The following PNPLA6 variants were observed in gnomAD, a reference collection of about 807,000 sequenced individuals.
PNPLA6 encodes the protein patatin-like phospholipase domain-containing protein 6.
Under a neutral mutation model 153.7 loss-of-function variants are expected in PNPLA6, and 105 were observed. The observed-to-expected ratio is 0.68, with a 90% confidence interval of 0.58 to 0.80. The LOEUF (loss-of-function observed/expected upper bound fraction) is 0.80, where lower values mean the gene tolerates loss of function less well. Among genes scored for constraint, PNPLA6 ranks in the 30% least tolerant of loss-of-function variants. The pLI is 0.00. For missense variants in PNPLA6, 1,423 were observed against 1,919.3 expected, an observed-to-expected ratio of 0.74 and a Z score of 4.83; for synonymous variants, 825 against 822.2, an observed-to-expected ratio of 1.00 and a Z score of -0.06.
intron 16 of PNPLA6, 160 bp from the exon 17 acceptor site, chr19:7,550,834 T>TC: frequency 1.1e-6 from 1 of 905,572 alleles, no homozygotes; most frequent in East Asian, 2.6e-5. Flanking sequence ...CCCTGTCCTC[T>TC]CCCTCTCCCC....
Position 7,555,439 on chromosome 19 carries a change from G to A in PNPLA6, c.2936+72G>A. The A allele has an allele frequency of 1.5e-6, 2 of 1,343,824 alleles. No homozygotes were observed. The highest frequency in any genetic ancestry group is 2.5e-5 in the East Asian group (1 of 40,042). 83.2% of individuals were successfully genotyped at this position (1,343,824 alleles called of 1,614,324 possible). On this transcript the variant is annotated intron_variant, in intron 23 of 31. Transcript: ENST00000600737. The surrounding 1 kb of genome is among the most constrained non-coding windows in gnomAD (Gnocchi z 6.3). The stretch of plus-strand genomic sequence containing the variant: ...GGTGGAGCTTCCTGGGAGAAACCGT[G>A]GGGGCGGGGCCTGGGTGTTCGAGGG...
chr19:7,538,686 C>T (rs774224915), intron 3 of PNPLA6, among the ~76,000 whole-genome samples: 1 of 152,126 alleles, frequency 6.6e-6, no homozygotes, highest in Admixed American at 6.5e-5. Context: ...ACTTCAGGGA[C>T]CTCTGTGGCT....
In PNPLA6 at chr19:7,550,797, A is replaced by G. The variant is rs201846798; in HGVS notation, c.2070+157A>G. On this transcript the variant is annotated intron_variant, in intron 16 of 31. Transcript: ENST00000600737. Reference sequence around the variant, plus strand: ...CCCCGCCCAGACCTCATTTCGTTGGAAAAAGGGGATTCCGCCTGTCGTGGA... The same window carrying G: ...CCCCGCCCAGACCTCATTTCGTTGGGAAAAGGGGATTCCGCCTGTCGTGGA... 9.3e-5 allele frequency: 22 copies of G among 237,334 alleles called. No individual in the cohort carries two copies. In the South Asian group the frequency reaches 1.4e-3, roughly 15 times the overall value. The allele number at this position is 237,334 out of a possible 1,614,324, so 14.7% of individuals were successfully genotyped here. A position where few individuals can be genotyped will look rare whatever the true frequency, so the allele number is the denominator to read the frequency against.
At position 7,553,948 on chromosome 19, in the gene PNPLA6, G is replaced by T; in HGVS notation, c.2334G>T (p.Leu778=). The T allele has an allele frequency of 1.2e-6, 2 of 1,614,176 alleles. No homozygotes were observed. The highest frequency in any genetic ancestry group is 8.5e-7 in the Non-Finnish European group (1 of 1,180,036). Residue 778 remains leucine, a synonymous_variant, in exon 19 of 32, where the codon CTG becomes CTT. Transcript: ENST00000600737. ...PASNLATVAI[L]PVCAEVPMVA... Reference sequence around the variant, plus strand: ...GCAACCTGGCAACTGTGGCAATCCTGCCTGTGTGTGCTGAGGTCCCCATGG... The same window carrying T: ...GCAACCTGGCAACTGTGGCAATCCTTCCTGTGTGTGCTGAGGTCCCCATGG...
At position 7,540,396 on chromosome 19, in the gene PNPLA6, G is replaced by A; in HGVS notation, c.714+88G>A. On this transcript the variant is annotated intron_variant, in intron 5 of 31. Coordinates refer to ENST00000600737, the MANE Select transcript of PNPLA6 (RefSeq NM_001166114.2). This position sits in a 1 kb window ranked among gnomAD's most constrained non-coding sequence, Gnocchi z 6.8. Reference sequence around the variant, plus strand: ...TGGTCTGTAGAGCTGGTGGTCTTTGGAGATGCGTCATCGGGAGTCAGGGGA... The same window carrying A: ...TGGTCTGTAGAGCTGGTGGTCTTTGAAGATGCGTCATCGGGAGTCAGGGGA... 1.4e-6 allele frequency: 2 copies of A among 1,427,938 alleles called. No individual in the cohort carries two copies. The highest frequency in any genetic ancestry group is 1.9e-6 in the Non-Finnish European group (2 of 1,051,136). The allele number at this position is 1,427,938 out of a possible 1,614,324, so 88.5% of individuals were successfully genotyped here.
At chr19:7,544,878 G>GAA (rs1190910800) in intron 13 of PNPLA6, among the ~76,000 whole-genome samples, 8 of 152,162 alleles carry the variant, frequency 5.3e-5, no homozygotes, top group African/African-American at 1.9e-4. Flanking sequence ...TTCTTTGGGG[G>GAA]CCCCTGGGCC....
intron 13 of PNPLA6, among the ~76,000 whole-genome samples, chr19:7,543,433 C>T: frequency 6.6e-6 from 1 of 152,248 alleles, no homozygotes; most frequent in South Asian, 2.1e-4. Context: ...CTCATGCTGA[C>T]CGCTGCCAGG....
In PNPLA6 at chr19:7,540,935, C is replaced by T. The variant is rs1382702507; in HGVS notation, c.808C>T (p.Pro270Ser). 1.2e-6 allele frequency: 2 copies of T among 1,612,940 alleles called. No individual in the cohort carries two copies. Among genetic ancestry groups the T allele is most frequent in the Admixed American group, 1.7e-5 (1 of 60,004 alleles). ...TCCCCTCCCCCAGGGTCACCAGCAT[C>T]CCCAGCGGACCGTGTCTGCCCGGGC... The part of the protein sequence containing the change: ...ILDVITGHQH[P>S]QRTVSARAAR... Residue 270 changes from proline (P) to serine (S), a missense_variant, in exon 7 of 32, where the codon CCC becomes TCC. Physicochemically the swap from Pro to Ser is moderately conservative, Grantham distance 74 (BLOSUM62 -1). Transcript: ENST00000600737. This position sits in a 1 kb window ranked among gnomAD's most constrained non-coding sequence, Gnocchi z 6.8.
In PNPLA6 at chr19:7,542,990, C is replaced by G; in HGVS notation, c.1531-17C>G. ...GGAGGCCTGGCTGCGCCCATCTCAA[C>G]CCCCCTACCTCCCCAGGACCCCTCC... On this transcript the variant is annotated splice_polypyrimidine_tract_variant and intron_variant, in intron 12 of 31. Transcript: ENST00000600737. 1.2e-6 allele frequency: 2 copies of G among 1,613,640 alleles called. No individual in the cohort carries two copies. Among genetic ancestry groups the G allele is most frequent in the Non-Finnish European group, 1.7e-6 (2 of 1,179,690 alleles).
intron 26 of PNPLA6, chr19:7,556,929 C>T (rs368579776): frequency 8.8e-6 from 6 of 684,508 alleles, no homozygotes; most frequent in African/African-American, 7.0e-5. Flanking sequence ...CAGGGAGACT[C>T]GTCGGACGCC....
At position 7,541,045 on chromosome 19, in the gene PNPLA6, C is replaced by T. The variant is rs1490428723; in HGVS notation, c.918C>T (p.Val306=). 6.2e-7 allele frequency: 1 copy of T among 1,608,836 alleles called. No homozygotes were observed. Residue 306 remains valine, a synonymous_variant, in exon 7 of 32, where the codon GTC becomes GTT. Transcript: ENST00000600737. This position sits in a 1 kb window ranked among gnomAD's most constrained non-coding sequence, Gnocchi z 5.2. The part of the protein sequence containing the change: ...FTKYPESLVR[V]VQIIMVRLQR... ...AGTACCCGGAGAGCTTGGTGCGGGT[C>T]GTGCAGGTCAGTGGGCCTTCGCCTC...
chr19:7,538,397 A>T (rs573505), intron 3 of PNPLA6, among the ~76,000 whole-genome samples: 4,582 of 152,058 alleles, frequency 0.03, 86 homozygotes, highest in Middle Eastern at 0.058. Context: ...TGCCTGGGCT[A>T]GTCTTGAACT....
intron 16 of PNPLA6, 109 bp from the exon 17 acceptor site, chr19:7,550,885 C>T: frequency 4.3e-6 from 4 of 938,578 alleles, no homozygotes; most frequent in Non-Finnish European, 4.9e-6. Context: ...CTTCCCTACA[C>T]CCCCATTGCA....
At chr19:7,546,215 G>T (rs1257253765) in intron 13 of PNPLA6, among the ~76,000 whole-genome samples, 2 of 152,060 alleles carry the variant, frequency 1.3e-5, no homozygotes, top group Non-Finnish European at 2.9e-5. Flanking sequence ...GAAGAAATAG[G>T]TTGATCTCTA....
In PNPLA6 at chr19:7,555,137, T is replaced by G; in HGVS notation, c.2817+62T>G. 1.3e-6 allele frequency: 2 copies of G among 1,557,158 alleles called. No homozygotes were observed. The highest frequency in any genetic ancestry group is 2.3e-5 in the South Asian group (2 of 86,964). On this transcript the variant is annotated intron_variant, in intron 22 of 31. Coordinates refer to ENST00000600737, the MANE Select transcript of PNPLA6 (RefSeq NM_001166114.2). This position sits in a 1 kb window ranked among gnomAD's most constrained non-coding sequence, Gnocchi z 6.3. ...GGCTGGTGGGCGAGGCTTGGGAGAC[T>G]GGGGCGGGGCCTGGGAGGGCTGAGG...
chr19:7,549,281 G>C (rs779186416), intron 13 of PNPLA6, among the ~76,000 whole-genome samples: 30 of 147,958 alleles, frequency 2.0e-4, no homozygotes, highest in Non-Finnish European at 4.2e-4. Flanking sequence ...CCGCCTCCCG[G>C]TTTCACGCCA....
Position 7,560,749 on chromosome 19 carries a change from G to A in PNPLA6, c.3801G>A (p.Glu1267=). The A allele has an allele frequency of 6.2e-7, 1 of 1,608,048 alleles. No homozygotes were observed. The highest frequency in any genetic ancestry group is 1.3e-5 in the African/African-American group (1 of 74,882). The change falls in exon 29 of 32, where the codon GAG becomes GAA. Residue 1267 remains glutamate (E), a synonymous_variant. Transcript: ENST00000600737. ...ACCGGCGGTCTACAGACCTTAATGA[G>A]AGCCGCCGTGCAGACGTAAGCCTGT... is the stretch of plus-strand genomic sequence containing the variant. ...LTDRRSTDLN[E]SRRADVLAFP...
At chr19:7,554,040 G>A (rs1429685620) in intron 19 of PNPLA6, 25 bp downstream of exon 19, 1 of 1,611,064 alleles carries the variant, frequency 6.2e-7, no homozygotes, top group South Asian at 1.1e-5. Context: ...GGTCATGGGT[G>A]GGGGCTGGCG....
chr19:7,536,374 G>T, intron 2 of PNPLA6, 75 bp from the exon 3 acceptor site: 4 of 1,389,564 alleles, frequency 2.9e-6, no homozygotes, highest in Non-Finnish European at 4.1e-6. Context: ...CCTTGATGGA[G>T]ACCCCCTGGA....
Sources: gnomAD v4.1 joint callset for allele counts (sites outside exome capture counted in the v4.1 genomes callset) on GRCh38, gnomAD v4.1.1 for gene constraint, Gnocchi (gnomAD v3.1) non-coding constraint, MANE v1.5 for transcripts, NCBI Gene and HGNC (gene_info 2026-07-23, HGNC 2026-07-21) for gene names.